ADGRE3: variants seen among roughly 807,000 people sequenced by gnomAD.
ADGRE3 encodes adhesion G protein-coupled receptor E3, also known as EGF-like module receptor 3.
A neutral mutation model predicts 80.1 loss-of-function variants in ADGRE3; 88 were observed. The ratio of observed to expected loss-of-function variants is 1.10; its 90% confidence interval spans 0.93 to 1.31. The LOEUF is 1.31. Ranked by LOEUF, ADGRE3 falls within the 40% of genes most tolerant of loss-of-function variation. The pLI is 0.00. For synonymous variants in ADGRE3, 281 were observed against 294.8 expected (o/e 0.95, Z 0.48); for missense variants, 715 against 776.5 (o/e 0.92, Z 0.94).
chr19:14,649,149 T>A (rs900765819), intron 7 of ADGRE3, among the ~76,000 whole-genome samples: 1 of 150,648 alleles, frequency 6.6e-6, no homozygotes, highest in Non-Finnish European at 1.5e-5. Context: ...CACATCTCTC[T>A]CTTTCCATCT....
downstream of ADGRE3, among the ~76,000 whole-genome samples, chr19:14,615,080 T>C (rs1220865330): frequency 1.3e-5 from 2 of 152,014 alleles, no homozygotes; most frequent in Non-Finnish European, 2.9e-5. Flanking sequence ...CTGGGCAAAC[T>C]GAGGCCCAGA....
At chr19:14,664,523 T>C (rs775901455) in intron 2 of ADGRE3, among the ~76,000 whole-genome samples, 1 of 151,828 alleles carries the variant, frequency 6.6e-6, no homozygotes, top group Non-Finnish European at 1.5e-5. Flanking sequence ...CTGGGTAACA[T>C]AGCAAGACAC....
At chr19:14,635,272 A>AT (rs879343313) in intron 11 of ADGRE3, among the ~76,000 whole-genome samples, 2,346 of 144,766 alleles carry the variant, frequency 0.016, 49 homozygotes, top group African/African-American at 0.051. Context: ...AATTAAAACA[A>AT]TTTTTTTTTT....
At chr19:14,610,214 G>T in the ADGRE3 span, 1 of 1,550,512 alleles carries the variant, frequency 6.4e-7, no homozygotes. Flanking sequence ...GGCCGAGGCT[G>T]GGGGTCCATA....
chr19:14,621,330 A>C (rs71334732), intron 15 of ADGRE3, among the ~76,000 whole-genome samples: 1 of 151,422 alleles, frequency 6.6e-6, no homozygotes, highest in Non-Finnish European at 1.5e-5. Flanking sequence ...TGGCGGGCGC[A>C]TGTAATCCCA....
At chr19:14,650,670 T>C (rs1447276202) in intron 7 of ADGRE3, among the ~76,000 whole-genome samples, 10 of 88,516 alleles carry the variant, frequency 1.1e-4, no homozygotes, top group South Asian at 3.4e-4. Flanking sequence ...TCTCTCTCTC[T>C]CTCTCTCTCT....
At chr19:14,638,399 C>T in intron 10 of ADGRE3, 59 bp from the exon 11 acceptor site, 1 of 1,317,018 alleles carries the variant, frequency 7.6e-7, no homozygotes, top group Non-Finnish European at 1.1e-6. Flanking sequence ...GGCCCTAGGA[C>T]CTCTCCTTGA....
At chr19:14,614,726 C>T (rs1026900071), downstream of ADGRE3, among the ~76,000 whole-genome samples, 8 of 151,592 alleles carry the variant, frequency 5.3e-5, no homozygotes, top group Non-Finnish European at 5.9e-5. Context: ...ACAGGTACAC[C>T]GTAATGCCCA....
chr19:14,632,032 C>T (rs1296195436), intron 13 of ADGRE3, among the ~76,000 whole-genome samples: 1 of 152,150 alleles, frequency 6.6e-6, no homozygotes, highest in Non-Finnish European at 1.5e-5. Context: ...TAAAAATACT[C>T]ATACCTCAAG....
At chr19:14,634,824 A>T (rs946006969) in intron 11 of ADGRE3, among the ~76,000 whole-genome samples, 1 of 150,822 alleles carries the variant, frequency 6.6e-6, no homozygotes, top group African/African-American at 2.4e-5. Flanking sequence ...TCGGGGGTTC[A>T]GGGCCTGGCT....
At chr19:14,659,786 A>C (rs1429472850) in intron 4 of ADGRE3, among the ~76,000 whole-genome samples, 4 of 127,606 alleles carry the variant, frequency 3.1e-5, no homozygotes, top group African/African-American at 1.2e-4. Flanking sequence ...ACACCACTGC[A>C]CTCCAGCCTG....
the ADGRE3 span, among the ~76,000 whole-genome samples, chr19:14,608,188 A>C: frequency 1.3e-5 from 2 of 152,142 alleles, no homozygotes; most frequent in African/African-American, 4.8e-5. Flanking sequence ...AATTTTAAAC[A>C]CAGAAAAATT....
At position 14,655,889 on chromosome 19, in the gene ADGRE3, G is replaced by T. The variant is rs182660177; in HGVS notation, c.394-724C>A. On this transcript the variant is annotated intron_variant, in intron 5 of 15. Coordinates refer to ENST00000253673, the MANE Select transcript of ADGRE3 (RefSeq NM_032571.5). ...CAGGGCACATGTGGCGATGGCTGGAGACATTTTCGGTTGTCACTGTCGCAA... is the reference window on the plus strand; with the variant it reads ...CAGGGCACATGTGGCGATGGCTGGATACATTTTCGGTTGTCACTGTCGCAA... Among the ~76,000 whole-genome samples the T allele has an allele frequency of 4.7e-3, 723 of 152,234 alleles. 1 individual carries two copies. Among genetic ancestry groups the T allele is most frequent in the Non-Finnish European group, 7.8e-3 (533 of 68,024 alleles).
chr19:14,656,624 T>C (rs757719735), intron 5 of ADGRE3, among the ~76,000 whole-genome samples: 5 of 152,160 alleles, frequency 3.3e-5, no homozygotes, highest in Admixed American at 6.6e-5. Flanking sequence ...TGCTCCTTAC[T>C]GTACACGTGA....
intron 13 of ADGRE3, 40 bp from the exon 14 acceptor site, chr19:14,630,247 A>G (rs746301183): frequency 6.4e-6 from 10 of 1,555,444 alleles, no homozygotes; most frequent in Non-Finnish European, 8.7e-6. Flanking sequence ...TCAAAAAACT[A>G]ATAATGAGCA....
the ADGRE3 span, among the ~76,000 whole-genome samples, chr19:14,605,127 G>A: frequency 1.3e-5 from 2 of 150,494 alleles, no homozygotes; most frequent in African/African-American, 4.9e-5. Context: ...ACGGGATTTC[G>A]CTTTTTGTTG....
chr19:14,648,826 C>T (rs1971489825), intron 7 of ADGRE3, among the ~76,000 whole-genome samples: 1 of 152,150 alleles, frequency 6.6e-6, no homozygotes, highest in Non-Finnish European at 1.5e-5. Context: ...CTTGTGTCTC[C>T]TGCCTGCCTG....
intron 2 of ADGRE3, among the ~76,000 whole-genome samples, chr19:14,664,593 C>T (rs1972041144): frequency 6.6e-6 from 1 of 152,076 alleles, no homozygotes; most frequent in African/African-American, 2.4e-5. Flanking sequence ...CCTGTAGTCC[C>T]AGCTACTCTG....
At chr19:14,601,854 G>T in the ADGRE3 span, among the ~76,000 whole-genome samples, 3 of 151,924 alleles carry the variant, frequency 2.0e-5, no homozygotes, top group Non-Finnish European at 2.9e-5. Flanking sequence ...GTGCAGTGGC[G>T]CGATCTCGGC....
Sources: allele counts gnomAD v4.1 joint callset (sites outside exome capture counted in the v4.1 genomes callset), GRCh38; gene constraint gnomAD v4.1.1; transcripts MANE v1.5; gene names NCBI Gene and HGNC (gene_info 2026-07-23, HGNC 2026-07-21).